The following CHPT1 variants were observed in gnomAD, a reference collection of about 807,000 sequenced individuals.
CHPT1 encodes the protein choline phosphotransferase 1.
In CHPT1, 36 loss-of-function variants were observed where a neutral mutation model predicts 47.6. The ratio of observed to expected loss-of-function variants is 0.76; its 90% CI spans 0.58 to 1.00. The LOEUF is 1.00. Among genes scored for constraint, CHPT1 ranks in the 50% least tolerant of loss-of-function variants. The pLI, the probability that CHPT1 is intolerant of heterozygous loss-of-function variation, is 0.00. For synonymous variants in CHPT1, 194 were observed against 186.3 expected, an observed-to-expected ratio of 1.04 and a Z score of -0.33; for missense variants, 458 against 498.1, an observed-to-expected ratio of 0.92 and a Z score of 0.77.
chr12:101,716,593 A>G (rs540116740), intron 3 of CHPT1, 135 bp from the exon 4 acceptor site: 25 of 549,898 alleles, frequency 4.5e-5, no homozygotes, highest in African/African-American at 4.0e-4. Context: ...TGATAATTCA[A>G]TAATGGAAGT....
chr12:101,711,527 G>A (rs371069122), intron 1 of CHPT1, among the ~76,000 whole-genome samples: 2 of 148,130 alleles, frequency 1.4e-5, no homozygotes, highest in Admixed American at 1.4e-4. Flanking sequence ...GAGCAGAGGG[G>A]CATAAAGGGG....
In CHPT1 at chr12:101,705,423, T is replaced by C. The variant is rs867791583; in HGVS notation, c.273+7289T>C. On this transcript the variant is annotated intron_variant, in intron 1 of 8. Transcript: ENST00000229266. ...TATTAAAATAAACATAAACATTCAA[T>C]TGAAAAGTTTACCTACAGATCACCT... 1.1e-3 allele frequency among the ~76,000 whole-genome samples: 75 copies of C among 66,710 alleles called. 6 individuals carry two copies. The highest frequency in any genetic ancestry group is 5.1e-3 in the African/African-American group (52 of 10,248). 43.8% of individuals were successfully genotyped at this position (66,710 alleles called of 152,430 possible).
intron 1 of CHPT1, among the ~76,000 whole-genome samples, chr12:101,703,558 G>A (rs1467187379): frequency 2.6e-5 from 4 of 152,170 alleles, no homozygotes; most frequent in Non-Finnish European, 5.9e-5. Context: ...ACTGAGCCAA[G>A]ACCAAAGGTC....
intron 1 of CHPT1, among the ~76,000 whole-genome samples, chr12:101,701,663 G>T (rs1345868346): frequency 6.6e-6 from 1 of 152,126 alleles, no homozygotes; most frequent in Admixed American, 6.6e-5. Flanking sequence ...TATTGAGCAG[G>T]ACAACTTACC....
chr12:101,717,364 T>G lies in CHPT1; in HGVS notation c.648+552T>G, dbSNP rs150272043. 2.2e-3 allele frequency: 991 copies of G among 450,770 alleles called. 7 individuals are homozygous for G. The highest frequency in any genetic ancestry group is 0.02 in the Middle Eastern group (60 of 3,052). The allele number at this position is 450,770 out of a possible 1,614,324, so 27.9% of individuals were successfully genotyped here. A position where few individuals can be genotyped will look rare whatever the true frequency, so the allele number is the denominator to read the frequency against. On this transcript the variant is annotated intron_variant, in intron 4 of 8. Coordinates refer to ENST00000229266, the MANE Select transcript of CHPT1 (RefSeq NM_020244.3). ...AGCTTTTTTGCAAAAGAAGAACATT[T>G]CTGAAGAAACAGTTGTCCTGTTACC...
At position 101,701,701 on chromosome 12, in the gene CHPT1, C is replaced by T. The variant is rs544706961; in HGVS notation, c.273+3567C>T. ...ATTTTAAGTTCAGACAGCAATTGCT[C>T]GTTCATTTGTATAATCTCTATAGCA... On this transcript the variant is annotated intron_variant, in intron 1 of 8. Coordinates refer to ENST00000229266, the MANE Select transcript of CHPT1 (RefSeq NM_020244.3). Among the ~76,000 whole-genome samples, 6 of 152,220 alleles carry T rather than the reference C, an allele frequency of 3.9e-5. No homozygotes were observed. In the East Asian group the frequency reaches 5.8e-4, roughly 15 times the overall value.
intron 1 of CHPT1, among the ~76,000 whole-genome samples, chr12:101,702,340 T>C (rs975187897): frequency 2.6e-5 from 4 of 152,228 alleles, no homozygotes; most frequent in African/African-American, 9.6e-5. Flanking sequence ...AATATGTTTA[T>C]GGCAGGGACA....
intron 5 of CHPT1, among the ~76,000 whole-genome samples, chr12:101,722,923 CA>C (rs1253952656): frequency 6.6e-6 from 1 of 152,066 alleles, no homozygotes; most frequent in Admixed American, 6.6e-5. Context: ...AATTTTTAGC[CA>C]GTTTAAAACG....
At position 101,723,787 on chromosome 12, in the gene CHPT1, G is replaced by T. The variant is rs866964354; in HGVS notation, c.1005G>T (p.Leu335Phe). Reference sequence around the variant, plus strand: ...CTGTCTTTTTGGGGCCAGGTCTTTTGTTTTTAGACCAGTACTTTAATAACT... The same window carrying T: ...CTGTCTTTTTGGGGCCAGGTCTTTTTTTTTTAGACCAGTACTTTAATAACT... ...QDTVFLGPGL[L>F]FLDQYFNNFI... is the part of the protein sequence containing the mutation. Residue 335 changes from leucine to phenylalanine, a missense_variant, in exon 7 of 9, where the codon TTG becomes TTT. Transcript: ENST00000229266. 1 of 1,574,970 alleles carries T rather than the reference G, an allele frequency of 6.3e-7. No homozygotes were observed.
intron 1 of CHPT1, among the ~76,000 whole-genome samples, chr12:101,707,608 G>A (rs571780266): frequency 6.6e-6 from 1 of 152,330 alleles, no homozygotes; most frequent in African/African-American, 2.4e-5. Context: ...GTAGGGGTGA[G>A]TGAGAAAGAC....
chr12:101,718,593 A>G (rs530134599), intron 4 of CHPT1, among the ~76,000 whole-genome samples: 99 of 151,402 alleles, frequency 6.5e-4, no homozygotes, highest in African/African-American at 2.3e-3. Context: ...CCAGGAGTTC[A>G]AGGCTGCAAT....
At chr12:101,721,047 C>T (rs988544617) in intron 5 of CHPT1, among the ~76,000 whole-genome samples, 1 of 151,962 alleles carries the variant, frequency 6.6e-6, no homozygotes, top group Non-Finnish European at 1.5e-5. Context: ...TTTTGGAGGC[C>T]GAGGCAGGTG....
At chr12:101,698,664 C>G (rs74692062) in intron 1 of CHPT1, among the ~76,000 whole-genome samples, 13,555 of 152,278 alleles carry the variant, frequency 0.089, 704 homozygotes, top group South Asian at 0.19. Flanking sequence ...GTAACTTCCT[C>G]TTTGCTTCAT....
intron 1 of CHPT1, among the ~76,000 whole-genome samples, chr12:101,705,989 G>C (rs1951626350): frequency 6.6e-6 from 1 of 152,026 alleles, no homozygotes; most frequent in Non-Finnish European, 1.5e-5. Flanking sequence ...GCCTTCCAAA[G>C]TGGTGAGCTA....
chr12:101,725,632 A>C (rs1194546269), intron 7 of CHPT1, among the ~76,000 whole-genome samples: 2 of 145,920 alleles, frequency 1.4e-5, no homozygotes, highest in African/African-American at 2.4e-5. Flanking sequence ...ACAAAAAAAA[A>C]AAAAAAAAGC....
intron 1 of CHPT1, among the ~76,000 whole-genome samples, chr12:101,704,900 A>G (rs1481895115): frequency 7.3e-5 from 5 of 68,342 alleles, no homozygotes; most frequent in Admixed American, 3.6e-4. Flanking sequence ...TTTAATTTTC[A>G]CAATGAGAGA....
chr12:101,723,033 G>A (rs951507828), intron 5 of CHPT1, 135 bp from the exon 6 acceptor site: 1 of 722,348 alleles, frequency 1.4e-6, no homozygotes, highest in South Asian at 1.8e-5. Context: ...ACTCAGGTTT[G>A]TATACTCCTG....
intron 7 of CHPT1, among the ~76,000 whole-genome samples, chr12:101,725,854 A>G (rs1180052327): frequency 1.3e-5 from 2 of 152,154 alleles, no homozygotes; most frequent in African/African-American, 4.8e-5. Flanking sequence ...AATTCTGTAT[A>G]TGCTTCAAGT....
rs144302274 is a variant in CHPT1, at chr12:101,700,728, G to T, written c.273+2594G>T. On this transcript the variant is annotated intron_variant, in intron 1 of 8. Transcript: ENST00000229266. ...CATTTGTGTCTTGTTATCAGCCAAA[G>T]AGGTTAGCAAGTTTTCCGCTTCCTA... 4.3e-4 allele frequency among the ~76,000 whole-genome samples: 65 copies of T among 152,296 alleles called. 5 individuals are homozygous for T. In the East Asian group the frequency reaches 0.013, roughly 29 times the overall value.
Sources: allele counts gnomAD v4.1 joint callset (sites outside exome capture counted in the v4.1 genomes callset), GRCh38; gene constraint gnomAD v4.1.1; transcripts MANE v1.5; gene names NCBI Gene and HGNC (gene_info 2026-07-23, HGNC 2026-07-21).